The following KRT72 variants were observed in gnomAD, a reference collection of about 807,000 sequenced individuals.
The protein encoded by KRT72 is keratin, type II cytoskeletal 72.
KRT72 carries 44 observed loss-of-function variants against 44.7 expected under a neutral mutation model. That is an observed-to-expected ratio of 0.98 (90% CI 0.77 to 1.27). The LOEUF (loss-of-function observed/expected upper bound fraction) is 1.27, where lower values mean the gene tolerates loss of function less well. KRT72 is among the 50% of genes most tolerant of loss of function. The probability of loss-of-function intolerance (pLI) is 0.00; values close to 1 mark genes in which losing one functional copy is unlikely to be tolerated. For missense variants in KRT72, 736 were observed against 667.1 expected (o/e 1.10, Z -1.14); for synonymous variants, 302 against 280.4 (o/e 1.08, Z -0.77).
chr12:52,598,819 A>G, intron 2 of KRT72, 79 bp downstream of exon 2: 1 of 1,299,450 alleles, frequency 7.7e-7, no homozygotes, highest in Non-Finnish European at 1.1e-6. Context: ...AGGATCTCAG[A>G]AGCAAAAATG....
chr12:52,588,935 G>A (rs988230098), intron 6 of KRT72, among the ~76,000 whole-genome samples: 5 of 152,038 alleles, frequency 3.3e-5, no homozygotes, highest in African/African-American at 1.2e-4. Flanking sequence ...AGGAGACAGA[G>A]GTTGCAGTGA....
In KRT72 at chr12:52,586,292, G is replaced by C. The variant is rs944969064; in HGVS notation, c.1346-120C>G. ...CCCGCAGTGGCTTCCTGCTGAGATG[G>C]ATTCTCTCTGTTGTGTGTTTCAGTC... On this transcript the variant is annotated intron_variant, in intron 8 of 8. Transcript: ENST00000293745. 1.2e-5 allele frequency: 9 copies of C among 725,988 alleles called. No homozygotes were observed. The African/African-American group carries it at 1.4e-4, about 11-fold the overall frequency. The allele number at this position is 725,988 out of a possible 1,614,324, so 45.0% of individuals were successfully genotyped here.
At chr12:52,589,158 G>A (rs559732940) in intron 6 of KRT72, among the ~76,000 whole-genome samples, 1 of 152,270 alleles carries the variant, frequency 6.6e-6, no homozygotes, top group South Asian at 2.1e-4. Context: ...TTTGGTGGGA[G>A]CTGAGGTTTT....
rs1183591236 is a variant in KRT72 at position 52,586,041 on chromosome 12, T to C, written c.1477A>G (p.Lys493Glu). 1.2e-6 allele frequency: 2 copies of C among 1,614,170 alleles called. No homozygotes were observed. The highest frequency in any genetic ancestry group is 2.2e-5 in the South Asian group (2 of 91,082). ...CCCGAGGTTTTGGCAAGGGGATCCT[T>C]GAGCTCACTGCCACAGCTGCCTTTG... The part of the protein sequence containing the change: ...KTKGSCGSEL[K>E]DPLAKTSGSS... Residue 493 changes from lysine (K) to glutamate (E), a missense_variant, in exon 9 of 9, where the codon AAG becomes GAG. By Grantham distance (56) the Lys-to-Glu change is moderately conservative. Coordinates refer to ENST00000293745, the MANE Select transcript of KRT72 (RefSeq NM_080747.3).
At chr12:52,599,442 AC>A in intron 1 of KRT72, 1 of 474,870 alleles carries the variant, frequency 2.1e-6, no homozygotes. Context: ...CAGGGGAGAA[AC>A]AGGGACTGGG....
In KRT72 at chr12:52,590,794, A is replaced by T. The variant is rs1360445673; in HGVS notation, c.1089+42T>A. 8 of 1,531,528 alleles carry T rather than the reference A, an allele frequency of 5.2e-6. No individual in the cohort carries two copies. The East Asian group carries it at 1.4e-4, about 26-fold the overall frequency. The allele number at this position is 1,531,528 out of a possible 1,614,324, so 94.9% of individuals were successfully genotyped here. A position where few individuals can be genotyped will look rare whatever the true frequency, so the allele number is the denominator to read the frequency against. ...CATATTCTGTCTGGCCCAGATTGTGACTCAATAAATACTGTTAGTGGATTA... is the reference window on the plus strand; with the variant it reads ...CATATTCTGTCTGGCCCAGATTGTGTCTCAATAAATACTGTTAGTGGATTA... On this transcript the variant is annotated intron_variant, in intron 6 of 8. Coordinates refer to ENST00000293745, the MANE Select transcript of KRT72 (RefSeq NM_080747.3).
intron 4 of KRT72, 24 bp from the exon 5 acceptor site, chr12:52,591,652 G>C (rs1242845662): frequency 1.3e-6 from 2 of 1,591,562 alleles, no homozygotes; most frequent in East Asian, 2.2e-5. Context: ...GGGGAGGGGA[G>C]CTAGTTAAGG....
chr12:52,594,245 C>T (rs557180232), intron 2 of KRT72, among the ~76,000 whole-genome samples: 1 of 152,288 alleles, frequency 6.6e-6, no homozygotes, highest in East Asian at 1.9e-4. Context: ...TTGACCCAGC[C>T]ATCCCATTAC....
chr12:52,595,270 A>G (rs1330116433), intron 2 of KRT72, among the ~76,000 whole-genome samples: 1 of 152,102 alleles, frequency 6.6e-6, no homozygotes. Flanking sequence ...TTATTTAAAA[A>G]TATATTACAA....
intron 4 of KRT72, 51 bp from the exon 5 acceptor site, chr12:52,591,679 C>G: frequency 6.5e-7 from 1 of 1,536,274 alleles, no homozygotes; most frequent in Admixed American, 1.7e-5. Flanking sequence ...CATGAGGAAC[C>G]AGTTCTCTTG....
chr12:52,601,040 G>C lies in KRT72; in HGVS notation c.413C>G (p.Ser138Cys), dbSNP rs757217449. Residue 138 changes from serine (S) to cysteine (C), a missense_variant, in exon 1 of 9, where the codon TCC (serine) becomes TGC (cysteine). Coordinates refer to ENST00000293745, the MANE Select transcript of KRT72 (RefSeq NM_080747.3). ...QIKALNNKFA[S>C]FIDKVRFLEQ... ...CCGAGGACTCACCTTGTCGATGAAG[G>C]AGGCGAACTTGTTGTTTAGCGCCTT... 1.2e-6 allele frequency: 2 copies of C among 1,611,980 alleles called. No individual in the cohort carries two copies. The highest frequency in any genetic ancestry group is 1.7e-6 in the Non-Finnish European group (2 of 1,179,290).
In KRT72 at chr12:52,591,467, G is replaced by A. The variant is rs1189232363; in HGVS notation, c.960C>T (p.Thr320=). Residue 320 remains threonine (T), a synonymous_variant, in exon 5 of 9, where the codon ACC becomes ACT. Transcript: ENST00000293745. The part of the protein sequence containing the change: ...SKAEAETLYQ[T]KIQELQVTAG... ...AGCACACCTGGCACCAGCTCACCTT[G>A]GTCTGGTACAGGGTCTCAGCCTCGG... 2 of 1,613,028 alleles carry A rather than the reference G, an allele frequency of 1.2e-6. No individual in the cohort carries two copies. Among genetic ancestry groups the A allele is most frequent in the Non-Finnish European group, 1.7e-6 (2 of 1,179,232 alleles).
intron 7 of KRT72, among the ~76,000 whole-genome samples, 153 bp downstream of exon 7, chr12:52,587,478 G>T (rs975625515): frequency 2.6e-5 from 4 of 152,264 alleles, no homozygotes; most frequent in East Asian, 1.9e-4. Context: ...CTTTCTTGCT[G>T]TCTAACTTTG....
chr12:52,599,444 A>G (rs1940336889), intron 1 of KRT72: 1 of 474,174 alleles, frequency 2.1e-6, no homozygotes, highest in Middle Eastern at 3.7e-4. Flanking sequence ...GGGGAGAAAC[A>G]GGGACTGGGG....
At position 52,591,594 on chromosome 12, in the gene KRT72, G is replaced by A. The variant is rs201080258; in HGVS notation, c.833C>T (p.Thr278Met). The stretch of plus-strand genomic sequence containing the variant: ...GTTGTCCATTGACAGGACGATGGAC[G>A]TGTCGCTGATGTGGGACTGGATCTG... ...ITQIQSHISD[T>M]SIVLSMDNNR... The change falls in exon 5 of 9, where the codon ACG (threonine) becomes ATG (methionine). Residue 278 changes from threonine to methionine, a missense_variant. Thr to Met is a moderately conservative substitution (Grantham distance 81). Coordinates refer to ENST00000293745, the MANE Select transcript of KRT72 (RefSeq NM_080747.3). 109 of 1,613,578 alleles carry A rather than the reference G, an allele frequency of 6.8e-5. No individual in the cohort carries two copies. Among genetic ancestry groups the A allele is most frequent in the Non-Finnish European group, 8.9e-5 (105 of 1,179,634 alleles).
In KRT72 at chr12:52,591,439, CT is replaced by C. The variant is rs1301086786; in HGVS notation, c.963+24del. ...AGGGTGCTAGCTGTGGCCAGTGGGA[CT>C]CAGCACACCTGGCACCAGCTCACCT... On this transcript the variant is annotated intron_variant, in intron 5 of 8. Transcript: ENST00000293745. 1.9e-6 allele frequency: 3 copies of C among 1,608,572 alleles called. No individual in the cohort carries two copies. In the African/African-American group the frequency reaches 4.0e-5, roughly 21 times the overall value.
In KRT72 at chr12:52,591,644, G is replaced by A; in HGVS notation, c.799-16C>T. ...GAGTGATCTCCTGGGGACGGTTGGG[G>A]GAGGGGAGCTAGTTAAGGGGTACTC... On this transcript the variant is annotated splice_polypyrimidine_tract_variant and intron_variant, in intron 4 of 8. Transcript: ENST00000293745. 2 of 1,597,164 alleles carry A rather than the reference G, an allele frequency of 1.3e-6. No individual in the cohort carries two copies. The highest frequency in any genetic ancestry group is 1.7e-6 in the Non-Finnish European group (2 of 1,167,310).
At chr12:52,595,110 A>T (rs1455158950) in intron 2 of KRT72, among the ~76,000 whole-genome samples, 1 of 152,192 alleles carries the variant, frequency 6.6e-6, no homozygotes, top group East Asian at 1.9e-4. Context: ...AATACATAGA[A>T]AACTTTTGAC....
chr12:52,601,989 G>A (rs1377479023), upstream of KRT72, among the ~76,000 whole-genome samples: 1 of 152,190 alleles, frequency 6.6e-6, no homozygotes, highest in Non-Finnish European at 1.5e-5. Context: ...TCTGTCCCTT[G>A]TGCAAGAAGG....
Sources: gnomAD v4.1 joint callset for allele counts (sites outside exome capture counted in the v4.1 genomes callset) on GRCh38, gnomAD v4.1.1 for gene constraint, MANE v1.5 for transcripts, NCBI Gene and HGNC (gene_info 2026-07-23, HGNC 2026-07-21) for gene names.